The following TEKT5 variants were observed in gnomAD, a reference collection of about 807,000 sequenced individuals.
The protein encoded by TEKT5 is tektin-5.
In TEKT5, 52 loss-of-function variants were observed where a neutral mutation model predicts 48.7. The observed-to-expected ratio is 1.07, with a 90% CI of 0.86 to 1.35. TEKT5 has a LOEUF of 1.35. Ranked by LOEUF, TEKT5 falls within the 40% of genes most tolerant of loss-of-function variation. The pLI is 0.00. For missense variants in TEKT5, 831 were observed against 641.6 expected, an observed-to-expected ratio of 1.30 and a Z score of -3.19; for synonymous variants, 318 against 267.6, an observed-to-expected ratio of 1.19 and a Z score of -1.84.
chr16:10,638,571 T>A (rs554192503), intron 5 of TEKT5, among the ~76,000 whole-genome samples: 3 of 152,144 alleles, frequency 2.0e-5, no homozygotes, highest in Admixed American at 6.5e-5. Context: ...TCATGAAGAG[T>A]TCGATTTCAT....
At chr16:10,630,703 A>T (rs541565047) in intron 6 of TEKT5, among the ~76,000 whole-genome samples, 2 of 152,298 alleles carry the variant, frequency 1.3e-5, no homozygotes, top group Non-Finnish European at 2.9e-5. Context: ...TGAGAACCTG[A>T]ATTTTAGCTG....
intron 4 of TEKT5, among the ~76,000 whole-genome samples, chr16:10,676,829 A>C (rs1898655418): frequency 6.6e-6 from 1 of 152,230 alleles, no homozygotes; most frequent in Non-Finnish European, 1.5e-5. Context: ...GTTAAGTGCC[A>C]GAGGAGGGAG....
At chr16:10,669,519 G>C (rs930722597) in intron 5 of TEKT5, among the ~76,000 whole-genome samples, 2 of 152,150 alleles carry the variant, frequency 1.3e-5, no homozygotes, top group Non-Finnish European at 2.9e-5. Context: ...AGGCATTCTA[G>C]CACTTTTGAG....
rs568107892 is a variant in TEKT5, at chr16:10,664,173, C to T, written c.1086+11786G>A. 7.2e-5 allele frequency among the ~76,000 whole-genome samples: 11 copies of T among 152,228 alleles called. No individual in the cohort carries two copies. In the South Asian group the frequency reaches 2.1e-3, roughly 29 times the overall value. On this transcript the variant is annotated intron_variant, in intron 5 of 6. Coordinates refer to ENST00000283025, the MANE Select transcript of TEKT5 (RefSeq NM_144674.2). ...TATTTCCCCCTCTAGAATGTAAGCC[C>T]CCTGAGGGCAGAGATCTTGTCTGTT...
chr16:10,642,008 T>A (rs1285274876), intron 5 of TEKT5, among the ~76,000 whole-genome samples: 1 of 152,232 alleles, frequency 6.6e-6, no homozygotes, highest in East Asian at 1.9e-4. Context: ...TGTTAAAAGC[T>A]AAGGGGCTGG....
chr16:10,682,582 T>C (rs1484107083), intron 3 of TEKT5, among the ~76,000 whole-genome samples: 1 of 152,176 alleles, frequency 6.6e-6, no homozygotes, highest in East Asian at 1.9e-4. Context: ...CCTGCCTCAG[T>C]TTCCCAAAGG....
chr16:10,670,476 G>A lies in TEKT5; in HGVS notation c.1086+5483C>T, dbSNP rs551172094. ...AGAGGTTGCAGTAAGCCAAGATCTC[G>A]TCACTGCACTCCAGCCTGCACGATA... On this transcript the variant is annotated intron_variant, in intron 5 of 6. Coordinates refer to ENST00000283025, the MANE Select transcript of TEKT5 (RefSeq NM_144674.2). Among the ~76,000 whole-genome samples, 24 of 152,222 alleles carry A rather than the reference G, an allele frequency of 1.6e-4. No homozygotes were observed. The South Asian group carries it at 1.7e-3, about 11-fold the overall frequency.
intron 5 of TEKT5, among the ~76,000 whole-genome samples, chr16:10,670,849 ATTT>A (rs1048467367): frequency 2.6e-5 from 4 of 151,658 alleles, no homozygotes; most frequent in African/African-American, 9.7e-5. Context: ...CCCTGGAGGA[ATTT>A]TTATTTTTAT....
rs146428649 is a variant in TEKT5 at position 10,641,363 on chromosome 16, C to T, written c.1087-5445G>A. Among the ~76,000 whole-genome samples, 1,119 of 152,216 alleles carry T rather than the reference C, an allele frequency of 7.4e-3. 11 individuals are homozygous for T. The highest frequency in any genetic ancestry group is 0.031 in the Middle Eastern group (9 of 294). ...TATCCCCACACTCTCCTCCCATGGT[C>T]CCCAAGCACCAGCCACTGAGACGTT... On this transcript the variant is annotated intron_variant, in intron 5 of 6. Transcript: ENST00000283025.
chr16:10,642,836 G>GAAGGGA (rs1898014385), intron 5 of TEKT5, among the ~76,000 whole-genome samples: 1 of 152,166 alleles, frequency 6.6e-6, no homozygotes, highest in Non-Finnish European at 1.5e-5. Flanking sequence ...CTGGGAAGGG[G>GAAGGGA]AAGGGAAAGG....
At chr16:10,631,763 G>C (rs982161462) in intron 6 of TEKT5, among the ~76,000 whole-genome samples, 17 of 152,296 alleles carry the variant, frequency 1.1e-4, no homozygotes, top group Admixed American at 9.8e-4. Flanking sequence ...TACAAGCTGA[G>C]GGACGCCAAG....
At chr16:10,692,405 C>A (rs1159637946) in intron 1 of TEKT5, among the ~76,000 whole-genome samples, 1 of 152,124 alleles carries the variant, frequency 6.6e-6, no homozygotes, top group Non-Finnish European at 1.5e-5. Flanking sequence ...AGGATCTCTC[C>A]TACGGAAGCC....
chr16:10,651,820 G>T (rs1210324831), intron 5 of TEKT5, among the ~76,000 whole-genome samples: 1 of 152,166 alleles, frequency 6.6e-6, no homozygotes, highest in Non-Finnish European at 1.5e-5. Context: ...AAATTAGCCA[G>T]GTGTGGTGGC....
intron 5 of TEKT5, among the ~76,000 whole-genome samples, chr16:10,653,663 A>T (rs1281186802): frequency 1.3e-5 from 2 of 152,188 alleles, no homozygotes; most frequent in Non-Finnish European, 2.9e-5. Context: ...TTGTAATCCA[A>T]ACACTTTGGG....
At chr16:10,664,738 G>T (rs1302050705) in intron 5 of TEKT5, among the ~76,000 whole-genome samples, 1 of 152,206 alleles carries the variant, frequency 6.6e-6, no homozygotes, top group Non-Finnish European at 1.5e-5. Flanking sequence ...ATTCAGAAGG[G>T]TTAGTTACTT....
At chr16:10,666,861 T>A (rs776482252) in intron 5 of TEKT5, among the ~76,000 whole-genome samples, 1 of 152,144 alleles carries the variant, frequency 6.6e-6, no homozygotes, top group Non-Finnish European at 1.5e-5. Flanking sequence ...AACATGGCAG[T>A]CACTTTCATG....
chr16:10,689,229 A>G (rs1286133883), intron 3 of TEKT5, 24 bp downstream of exon 3: 1 of 1,566,532 alleles, frequency 6.4e-7, no homozygotes, highest in Non-Finnish European at 8.7e-7. Context: ...AGGAGAGGGA[A>G]TTAAAAAAAA....
intron 3 of TEKT5, among the ~76,000 whole-genome samples, chr16:10,685,235 G>A (rs766357934): frequency 3.3e-5 from 5 of 152,116 alleles, no homozygotes; most frequent in Non-Finnish European, 5.9e-5. Context: ...CTCTCCTGCT[G>A]TCTGCCTCAG....
chr16:10,679,618 G>A (rs994159825), intron 4 of TEKT5, among the ~76,000 whole-genome samples: 2 of 152,160 alleles, frequency 1.3e-5, no homozygotes, highest in African/African-American at 4.8e-5. Context: ...CCTAAGGCCA[G>A]GGGTGGTGGC....
Sources: gnomAD v4.1 joint callset for allele counts (sites outside exome capture counted in the v4.1 genomes callset) on GRCh38, gnomAD v4.1.1 for gene constraint, MANE v1.5 for transcripts, NCBI Gene and HGNC (gene_info 2026-07-23, HGNC 2026-07-21) for gene names.